The following SLC35F1 variants were observed in gnomAD, a reference collection of about 807,000 sequenced individuals.
The protein encoded by SLC35F1 is chromosome 6 open reading frame 169.
SLC35F1 carries 14 observed loss-of-function variants against 48.7 expected under a neutral mutation model. The ratio of observed to expected loss-of-function variants is 0.29; its 90% CI spans 0.19 to 0.45. The LOEUF (loss-of-function observed/expected upper bound fraction) is 0.45. Among genes scored for constraint, SLC35F1 ranks in the 20% least tolerant of loss-of-function variants. SLC35F1 has a pLI of 1.00. For synonymous variants in SLC35F1, 190 were observed against 202.2 expected (o/e 0.94, Z 0.51); for missense variants, 404 against 500.0 (o/e 0.81, Z 1.83).
At chr6:118,019,739 C>T (rs1180405149) in intron 1 of SLC35F1, among the ~76,000 whole-genome samples, 1 of 152,162 alleles carries the variant, frequency 6.6e-6, no homozygotes, top group African/African-American at 2.4e-5. Context: ...ATTGATGAAA[C>T]ATTCTTGCGA....
chr6:118,292,652 A>G (rs1562353174), intron 7 of SLC35F1, among the ~76,000 whole-genome samples: 1 of 151,194 alleles, frequency 6.6e-6, no homozygotes, highest in Non-Finnish European at 1.5e-5. Flanking sequence ...AAATGACTAA[A>G]TGAAGCTCGC....
intron 1 of SLC35F1, among the ~76,000 whole-genome samples, chr6:117,997,379 A>G (rs1562259208): frequency 1.4e-5 from 2 of 146,772 alleles, no homozygotes; most frequent in African/African-American, 2.4e-5. Flanking sequence ...AACTTCCCCC[A>G]TCTAGCAAGG....
chr6:118,071,156 A>C (rs1582649914), intron 1 of SLC35F1, among the ~76,000 whole-genome samples: 1 of 142,908 alleles, frequency 7.0e-6, no homozygotes, highest in Non-Finnish European at 1.5e-5. Context: ...TTCTATGTAT[A>C]TACACACATA....
chr6:118,198,559 C>T (rs1024079427), intron 2 of SLC35F1, among the ~76,000 whole-genome samples: 2 of 152,124 alleles, frequency 1.3e-5, no homozygotes, highest in Non-Finnish European at 2.9e-5. Context: ...ATAACCGCTT[C>T]GTATTGTAAG....
At position 118,280,862 on chromosome 6, in the gene SLC35F1, T is replaced by A. The variant is rs1477426215; in HGVS notation, c.847+3316T>A. On this transcript the variant is annotated intron_variant, in intron 6 of 7. Coordinates refer to ENST00000360388, the MANE Select transcript of SLC35F1 (RefSeq NM_001029858.4). Reference sequence around the variant, plus strand: ...CTCCAGCCTGGAAACAGAGCAAGAGTCTGTCCCAAAAAAAAAAAAACAATA... The same window carrying A: ...CTCCAGCCTGGAAACAGAGCAAGAGACTGTCCCAAAAAAAAAAAAACAATA... 2.8e-5 allele frequency among the ~76,000 whole-genome samples: 4 copies of A among 142,130 alleles called. No homozygotes were observed. In the Admixed American group the frequency reaches 2.8e-4, roughly 10 times the overall value. The allele number at this position is 142,130 out of a possible 152,430, so 93.2% of individuals were successfully genotyped here.
chr6:117,970,627 T>A (rs909869429), intron 1 of SLC35F1, among the ~76,000 whole-genome samples: 6 of 152,076 alleles, frequency 3.9e-5, no homozygotes, highest in African/African-American at 1.4e-4. Flanking sequence ...AAAAGGAGGT[T>A]TAATGGACTC....
chr6:118,102,958 G>A (rs1382167243), intron 1 of SLC35F1, among the ~76,000 whole-genome samples: 3 of 151,564 alleles, frequency 2.0e-5, no homozygotes, highest in East Asian at 3.8e-4. Flanking sequence ...ATAGTCTGGA[G>A]TAAGTATTGC....
intron 1 of SLC35F1, among the ~76,000 whole-genome samples, chr6:118,007,606 C>G (rs575074560): frequency 6.6e-6 from 1 of 152,256 alleles, no homozygotes; most frequent in South Asian, 2.1e-4. Flanking sequence ...TCCACTCATT[C>G]ATAAAATTTT....
intron 1 of SLC35F1, among the ~76,000 whole-genome samples, chr6:117,938,253 A>G (rs1776184581): frequency 6.6e-6 from 1 of 152,218 alleles, no homozygotes; most frequent in Non-Finnish European, 1.5e-5. Flanking sequence ...CATCTGAGAA[A>G]TGTAACATAT....
At position 118,113,485 on chromosome 6, in the gene SLC35F1, G is replaced by C. The variant is rs188235135; in HGVS notation, c.174-40960G>C. Among the ~76,000 whole-genome samples, 277 of 152,206 alleles carry C rather than the reference G, an allele frequency of 1.8e-3. 1 individual carries two copies. The highest frequency in any genetic ancestry group is 2.7e-3 in the Non-Finnish European group (184 of 68,000). ...ATAAGAGGAGGGGCTATCTATGTGT[G>C]GGGGCTGGGGTTAATTGAGATATTT... On this transcript the variant is annotated intron_variant, in intron 1 of 7. Coordinates refer to ENST00000360388, the MANE Select transcript of SLC35F1 (RefSeq NM_001029858.4).
chr6:118,266,027 C>T (rs1320686102), intron 3 of SLC35F1, among the ~76,000 whole-genome samples: 1 of 152,126 alleles, frequency 6.6e-6, no homozygotes, highest in Non-Finnish European at 1.5e-5. Flanking sequence ...ATGAGGGCCT[C>T]GTGATTTAAG....
chr6:117,923,949 TTATATA>T (rs991955298), intron 1 of SLC35F1, among the ~76,000 whole-genome samples: 1 of 150,132 alleles, frequency 6.7e-6, no homozygotes, highest in African/African-American at 2.5e-5. Flanking sequence ...GATTGACACT[TTATATA>T]TACATATATA....
At chr6:118,112,091 CTTTTCTTTT>C (rs1773413595) in intron 1 of SLC35F1, among the ~76,000 whole-genome samples, 1 of 24,322 alleles carries the variant, frequency 4.1e-5, no homozygotes, top group Non-Finnish European at 9.9e-5. Flanking sequence ...TCTTTCTTTT[CTTTTCTTTT>C]CTTTTCTTTT....
At chr6:118,192,740 C>T (rs557356768) in intron 2 of SLC35F1, among the ~76,000 whole-genome samples, 1 of 152,174 alleles carries the variant, frequency 6.6e-6, no homozygotes, top group Admixed American at 6.5e-5. Flanking sequence ...TAAACATTAT[C>T]TTTTATTTTG....
chr6:118,013,260 G>A (rs576501796), intron 1 of SLC35F1, among the ~76,000 whole-genome samples: 7 of 152,268 alleles, frequency 4.6e-5, no homozygotes, highest in South Asian at 4.1e-4. Flanking sequence ...TTTGAAGCTC[G>A]TCCAGGTGCC....
At chr6:118,226,910 A>G (rs920943167) in intron 2 of SLC35F1, among the ~76,000 whole-genome samples, 1 of 152,252 alleles carries the variant, frequency 6.6e-6, no homozygotes, top group African/African-American at 2.4e-5. Context: ...AGTTACCCTA[A>G]TTTGATTACA....
At chr6:118,116,207 A>C (rs1773474263) in intron 1 of SLC35F1, among the ~76,000 whole-genome samples, 1 of 152,176 alleles carries the variant, frequency 6.6e-6, no homozygotes, top group Non-Finnish European at 1.5e-5. Flanking sequence ...ATAGAGTGGG[A>C]GAATGAGAAT....
At position 118,173,385 on chromosome 6, in the gene SLC35F1, T is replaced by TAAAAA. The variant is rs571653145; in HGVS notation, c.349+18771_349+18775dup. 1.1e-3 allele frequency among the ~76,000 whole-genome samples: 143 copies of TAAAAA among 129,278 alleles called. 2 individuals are homozygous for TAAAAA. The highest frequency in any genetic ancestry group is 4.5e-3 in the African/African-American group (136 of 29,968). The allele number at this position is 129,278 out of a possible 152,430, so 84.8% of individuals were successfully genotyped here. A position where few individuals can be genotyped will look rare whatever the true frequency, so the allele number is the denominator to read the frequency against. On this transcript the variant is annotated intron_variant, in intron 2 of 7. Transcript: ENST00000360388. ...AGAATCCATCATAGAAAGAGTTAGTTAAAAAAAAAACAAAAAACAAAAAAA... is the reference window on the plus strand; with the variant it reads ...AGAATCCATCATAGAAAGAGTTAGTTAAAAAAAAAAAAAAACAAAAAACAAAAAAA...
chr6:118,146,649 C>T lies in SLC35F1; in HGVS notation c.174-7796C>T, dbSNP rs536922681. Among the ~76,000 whole-genome samples, 26 of 152,240 alleles carry T rather than the reference C, an allele frequency of 1.7e-4. No homozygotes were observed. In the South Asian group the frequency reaches 3.9e-3, roughly 23 times the overall value. ...GACTACATGGTTATTTTTATATTCT[C>T]TGTTTAGTTTAATTTATTTATGTTT... On this transcript the variant is annotated intron_variant, in intron 1 of 7. Coordinates refer to ENST00000360388, the MANE Select transcript of SLC35F1 (RefSeq NM_001029858.4).
Sources: allele counts gnomAD v4.1 joint callset (sites outside exome capture counted in the v4.1 genomes callset), GRCh38; gene constraint gnomAD v4.1.1; transcripts MANE v1.5; gene names NCBI Gene and HGNC (gene_info 2026-07-23, HGNC 2026-07-21).